The following FGD5 variants were observed in gnomAD, a reference collection of about 807,000 sequenced individuals.
FGD5 encodes FYVE, RhoGEF and PH domain-containing protein 5.
In FGD5, 28 loss-of-function variants were observed where a neutral mutation model predicts 133.4. The observed-to-expected ratio is 0.21, with a 90% CI of 0.16 to 0.29. The LOEUF (loss-of-function observed/expected upper bound fraction) is 0.29. FGD5 is among the 10% of genes least tolerant of loss of function. The pLI, the probability that FGD5 is intolerant of heterozygous loss-of-function variation, is 1.00. For missense variants in FGD5, 1,858 were observed against 1,895.2 expected, an observed-to-expected ratio of 0.98 and a Z score of 0.36; for synonymous variants, 810 against 776.5, an observed-to-expected ratio of 1.04 and a Z score of -0.72.
intron 1 of FGD5, among the ~76,000 whole-genome samples, chr3:14,858,355 G>GGGGGTGGATGGATGGA (rs2037326896): frequency 7.6e-6 from 1 of 130,888 alleles, no homozygotes. Flanking sequence ...GGGTGGGTGG[G>GGGGGTGGATGGATGGA]TGGATGGATG....
Position 14,901,042 on chromosome 3 carries a change from A to G in FGD5, c.3245A>G (p.Asn1082Ser), listed in dbSNP as rs142224981. Residue 1082 changes from asparagine to serine, a missense_variant, in exon 9 of 20, where the codon AAC becomes AGC. By Grantham distance (46) the Asn-to-Ser change is conservative. This residue lies in a region of FGD5 where 1,824 missense variants were observed against 1,848.9 expected (regional missense o/e 0.99). Transcript: ENST00000285046. ...SLISKVTDRA[N>S]DSMEQGENLQ... ...ATCTCCAAAGTCACAGACCGTGCCA[A>G]CGACAGCATGGAGCAAGGGGTGAGT... 2 of 1,614,006 alleles carry G rather than the reference A, an allele frequency of 1.2e-6. No individual in the cohort carries two copies. Among genetic ancestry groups the G allele is most frequent in the African/African-American group, 1.3e-5 (1 of 75,054 alleles).
At chr3:14,928,943 T>A (rs966393307) in intron 18 of FGD5, among the ~76,000 whole-genome samples, 1 of 152,204 alleles carries the variant, frequency 6.6e-6, no homozygotes, top group African/African-American at 2.4e-5. Flanking sequence ...TGAGGTCTAA[T>A]TTATATATAA....
At chr3:14,813,072 A>C (rs1176495533) in intron 1 of FGD5, among the ~76,000 whole-genome samples, 2 of 152,142 alleles carry the variant, frequency 1.3e-5, no homozygotes, top group East Asian at 3.9e-4. Context: ...CCAGCCTGAG[A>C]GCCTGCTTTT....
At chr3:14,887,818 G>A (rs1274875921) in intron 4 of FGD5, among the ~76,000 whole-genome samples, 1 of 152,080 alleles carries the variant, frequency 6.6e-6, no homozygotes, top group Non-Finnish European at 1.5e-5. Flanking sequence ...CAGTGAAGAA[G>A]GCTGTGCCTG....
chr3:14,849,529 C>A (rs561457213), intron 1 of FGD5, among the ~76,000 whole-genome samples: 1 of 152,168 alleles, frequency 6.6e-6, no homozygotes, highest in Non-Finnish European at 1.5e-5. Flanking sequence ...GTTTCTCCAA[C>A]TGAAAGATGA....
intron 13 of FGD5, 136 bp from the exon 14 acceptor site, chr3:14,921,779 CTCT>C (rs2038684676): frequency 2.7e-6 from 2 of 734,464 alleles, no homozygotes; most frequent in South Asian, 1.7e-5. Flanking sequence ...GGCAGGTGAT[CTCT>C]TCTTTGCTGG....
At chr3:14,830,344 T>C (rs1450059050) in intron 1 of FGD5, among the ~76,000 whole-genome samples, 1 of 152,246 alleles carries the variant, frequency 6.6e-6, no homozygotes, top group African/African-American at 2.4e-5. Flanking sequence ...CAGCTGTTTC[T>C]TTTAGCAATA....
intron 4 of FGD5, among the ~76,000 whole-genome samples, chr3:14,887,748 C>G (rs2037951479): frequency 6.6e-6 from 1 of 152,038 alleles, no homozygotes; most frequent in Non-Finnish European, 1.5e-5. Flanking sequence ...CCAGCCCAGT[C>G]TTCTTGGAGT....
chr3:14,856,777 T>G (rs1369216262), intron 1 of FGD5, among the ~76,000 whole-genome samples: 1 of 152,166 alleles, frequency 6.6e-6, no homozygotes, highest in Non-Finnish European at 1.5e-5. Flanking sequence ...TCTAAGAGGT[T>G]TTTGGTAGAA....
intron 4 of FGD5, among the ~76,000 whole-genome samples, chr3:14,885,270 G>C (rs758779432): frequency 5.6e-4 from 84 of 151,288 alleles, no homozygotes; most frequent in Non-Finnish European, 1.0e-3. Flanking sequence ...ACAGCCCTCT[G>C]TATTTATTAG....
intron 4 of FGD5, among the ~76,000 whole-genome samples, chr3:14,895,441 G>A (rs965345577): frequency 2.6e-5 from 4 of 152,186 alleles, no homozygotes; most frequent in Admixed American, 6.5e-5. Context: ...AGTTTTCCGA[G>A]CACCATTTAT....
intron 1 of FGD5, among the ~76,000 whole-genome samples, chr3:14,849,146 T>C (rs1471063711): frequency 6.6e-6 from 1 of 152,188 alleles, no homozygotes; most frequent in Non-Finnish European, 1.5e-5. Context: ...CCTCAGTGTG[T>C]CCGTCTCTGT....
At chr3:14,901,438 T>C (rs1233610644) in intron 9 of FGD5, among the ~76,000 whole-genome samples, 1 of 152,188 alleles carries the variant, frequency 6.6e-6, no homozygotes, top group Non-Finnish European at 1.5e-5. Context: ...TGGGTAAATG[T>C]TAGGACCACA....
intron 2 of FGD5, among the ~76,000 whole-genome samples, chr3:14,869,296 GACA>G (rs1250866012): frequency 2.0e-5 from 3 of 151,432 alleles, no homozygotes; most frequent in South Asian, 4.2e-4. Context: ...TCTGTCTTAA[GACA>G]ACAACAACAA....
rs2038227756 is a variant in FGD5 at position 14,900,989 on chromosome 3, G to C, written c.3206-14G>C. ...CTTGCAATGGCCCAACTCCTGCTCT[G>C]TGTCCCTCCCCAGGTGCACTGAGCC... On this transcript the variant is annotated splice_polypyrimidine_tract_variant and intron_variant, in intron 8 of 19. Coordinates refer to ENST00000285046, the MANE Select transcript of FGD5 (RefSeq NM_152536.4). 7 of 1,613,880 alleles carry C rather than the reference G, an allele frequency of 4.3e-6. No homozygotes were observed. Among genetic ancestry groups the C allele is most frequent in the Non-Finnish European group, 5.9e-6 (7 of 1,179,870 alleles).
upstream of FGD5, among the ~76,000 whole-genome samples, chr3:14,814,694 G>A (rs369833725): frequency 3.5e-4 from 53 of 152,216 alleles, no homozygotes; most frequent in African/African-American, 1.2e-3. Flanking sequence ...CTCTTCAGAA[G>A]CCAGAGCCTG....
rs747054402 is a variant in FGD5, at chr3:14,820,449, G to C, written c.1378G>C (p.Glu460Gln). ...CGCCCTGGGTGGTTATGGCTCGAAA[G>C]AAGAATTGAACTGTGAGGCAGAGGG... is the stretch of plus-strand genomic sequence containing the variant. ...SDALGGYGSKEELNCEAEGGL... is the reference protein window; with the variant it reads ...SDALGGYGSKQELNCEAEGGL... Residue 460 changes from glutamate (E) to glutamine (Q), a missense_variant, in exon 1 of 20, where the codon GAA becomes CAA. Around this residue, in one of 3 missense-constraint regions of FGD5, gnomAD observed 1,824 missense variants for 1,848.9 expected, o/e 0.99. Coordinates refer to ENST00000285046, the MANE Select transcript of FGD5 (RefSeq NM_152536.4). 6.2e-7 allele frequency: 1 copy of C among 1,613,650 alleles called. No homozygotes were observed. Among genetic ancestry groups the C allele is most frequent in the South Asian group, 1.1e-5 (1 of 91,072 alleles).
At chr3:14,897,764 G>A (rs2038164433) in intron 5 of FGD5, 95 bp downstream of exon 5, 19 of 1,465,854 alleles carry the variant, frequency 1.3e-5, no homozygotes, top group Non-Finnish European at 1.7e-5. Context: ...ATCTCCATTT[G>A]ATTGATGGGA....
chr3:14,853,354 C>T (rs2037204039), intron 1 of FGD5, among the ~76,000 whole-genome samples: 1 of 152,104 alleles, frequency 6.6e-6, no homozygotes, highest in Non-Finnish European at 1.5e-5. Context: ...CTCCCCTCCG[C>T]CCACTTACAA....
Sources: allele counts gnomAD v4.1 joint callset (sites outside exome capture counted in the v4.1 genomes callset), GRCh38; gene constraint gnomAD v4.1.1; regional missense constraint gnomAD v4.1.1; transcripts MANE v1.5; gene names NCBI Gene and HGNC (gene_info 2026-07-23, HGNC 2026-07-21).